The following GPC4 variants were observed in gnomAD, a reference collection of about 807,000 sequenced individuals.
GPC4 encodes glypican-4.
GPC4 carries 10 observed loss-of-function variants against 35.0 expected under a neutral mutation model. The ratio of observed to expected loss-of-function variants is 0.29; its 90% confidence interval spans 0.18 to 0.48. GPC4 has a LOEUF of 0.48. Among genes scored for constraint, GPC4 ranks in the 20% least tolerant of loss-of-function variants. GPC4 has a pLI of 0.99. For synonymous variants in GPC4, 167 were observed against 170.2 expected (o/e 0.98, Z 0.15); for missense variants, 322 against 451.3 (o/e 0.71, Z 2.60).
intron 1 of GPC4, among the ~76,000 whole-genome samples, chrX:133,370,241 A>G (rs1341863533): frequency 8.9e-6 from 1 of 111,749 alleles, no homozygotes; most frequent in Non-Finnish European, 1.9e-5. Flanking sequence ...TCTGTCCCCA[A>G]AATTTTCTGG....
Position 133,368,861 on chromosome X carries a change from G to C in GPC4, c.161-29520C>G, listed in dbSNP as rs2068600760. On this transcript the variant is annotated intron_variant, in intron 1 of 8. Coordinates refer to ENST00000370828, the MANE Select transcript of GPC4 (RefSeq NM_001448.3). ...AGGTTTCACCATGTTGGTCAGGCTG[G>C]TCTCAAACTCCTGACCTCAGGTGAT... Among the ~76,000 whole-genome samples, 3 of 110,683 alleles carry C rather than the reference G, an allele frequency of 2.7e-5. No homozygotes were observed. In the South Asian group the frequency reaches 1.2e-3, roughly 43 times the overall value.
intron 1 of GPC4, among the ~76,000 whole-genome samples, chrX:133,411,629 C>T (rs1210617621): frequency 9.0e-6 from 1 of 111,318 alleles, no homozygotes; most frequent in Non-Finnish European, 1.9e-5. Flanking sequence ...CGTGGCTTAT[C>T]TCCTTACTAA....
intron 1 of GPC4, among the ~76,000 whole-genome samples, chrX:133,412,227 T>C (rs1158068609): frequency 1.8e-5 from 2 of 111,766 alleles, no homozygotes; most frequent in East Asian, 5.7e-4. Context: ...TGACCAAAAT[T>C]ATCTGAGTGT....
intron 1 of GPC4, among the ~76,000 whole-genome samples, chrX:133,351,297 A>C (rs1475041341): frequency 9.0e-6 from 1 of 111,077 alleles, no homozygotes; most frequent in Non-Finnish European, 1.9e-5. Flanking sequence ...TATTTGACGA[A>C]ACAGTCCCAC....
At chrX:133,410,328 T>C (rs2068807363) in intron 1 of GPC4, among the ~76,000 whole-genome samples, 1 of 112,451 alleles carries the variant, frequency 8.9e-6, no homozygotes, top group Non-Finnish European at 1.9e-5. Flanking sequence ...TGTTATTCAT[T>C]AGCTATAAGA....
chrX:133,348,077 G>T (rs1403177091), intron 1 of GPC4, among the ~76,000 whole-genome samples: 1 of 112,038 alleles, frequency 8.9e-6, no homozygotes, highest in African/African-American at 3.2e-5. Context: ...AAGAGTTAGG[G>T]TTGCTACTTT....
intron 1 of GPC4, among the ~76,000 whole-genome samples, chrX:133,376,560 T>A (rs751883254): frequency 2.7e-5 from 3 of 112,483 alleles, no homozygotes; most frequent in Non-Finnish European, 3.8e-5. Flanking sequence ...TAACTTAATG[T>A]GTTGGTAGCT....
At chrX:133,314,297 G>C (rs2068327856) in intron 3 of GPC4, among the ~76,000 whole-genome samples, 1 of 111,825 alleles carries the variant, frequency 8.9e-6, no homozygotes, top group Admixed American at 9.5e-5. Context: ...AATAACTCTA[G>C]GAAGTGGTTC....
At chrX:133,403,407 G>T (rs2124182628) in intron 1 of GPC4, among the ~76,000 whole-genome samples, 1 of 110,958 alleles carries the variant, frequency 9.0e-6, no homozygotes, top group Admixed American at 9.7e-5. Flanking sequence ...AAGTGTTAAC[G>T]GTTTTCTCTG....
chrX:133,367,445 G>A (rs1362210628), intron 1 of GPC4, among the ~76,000 whole-genome samples: 1 of 112,544 alleles, frequency 8.9e-6, no homozygotes, highest in Non-Finnish European at 1.9e-5. Flanking sequence ...TTCTTCCTAA[G>A]CAAAACTATT....
At chrX:133,340,938 A>C (rs1013232222) in intron 1 of GPC4, among the ~76,000 whole-genome samples, 1 of 111,594 alleles carries the variant, frequency 9.0e-6, no homozygotes, top group Non-Finnish European at 1.9e-5. Context: ...GAAACTGCTA[A>C]AAGTTTATTT....
At chrX:133,400,690 T>C (rs2068764694) in intron 1 of GPC4, among the ~76,000 whole-genome samples, 1 of 111,938 alleles carries the variant, frequency 8.9e-6, no homozygotes, top group African/African-American at 3.2e-5. Flanking sequence ...CTATGCCCTC[T>C]GAAAGCTTTT....
In GPC4 at chrX:133,302,875, ACT is replaced by A. The variant is rs779503753; in HGVS notation, c.1661_1662del (p.Glu554ValfsTer8). 11 of 1,208,655 alleles carry A rather than the reference ACT, an allele frequency of 9.1e-6. No homozygotes were observed. The highest frequency in any genetic ancestry group is 1.2e-5 in the Non-Finnish European group (11 of 893,515). On this transcript the variant is annotated frameshift_variant, in exon 9 of 9. Coordinates refer to ENST00000370828, the MANE Select transcript of GPC4 (RefSeq NM_001448.3). LOFTEE classifies it high-confidence loss of function. ...FCILFLVMQR[E>X]WR ...TTCTCAGAGTTTGAGAATTATCTCC[ACT>A]CTCTCTGCATAACCAGGAACAAGAT...
chrX:133,347,595 T>C (rs762038419), intron 1 of GPC4, among the ~76,000 whole-genome samples: 2 of 111,217 alleles, frequency 1.8e-5, no homozygotes, highest in South Asian at 3.8e-4. Context: ...GGTTGCTATA[T>C]AACTCCAGCC....
intron 3 of GPC4, among the ~76,000 whole-genome samples, chrX:133,323,277 G>A (rs1419548746): frequency 9.0e-6 from 1 of 111,584 alleles, no homozygotes; most frequent in African/African-American, 3.3e-5. Context: ...CCAGGAGTTC[G>A]AGACCAGCCT....
At chrX:133,404,546 C>CAAAAAAAAAAAAAAAAAAAAAAAAAA (rs766777711) in intron 1 of GPC4, among the ~76,000 whole-genome samples, 1 of 37,374 alleles carries the variant, frequency 2.7e-5, no homozygotes, top group African/African-American at 1.7e-4. Context: ...GACTCTGCCT[C>CAAAAAAAAAAAAAAAAAAAAAAAAAA]AAAAAAAAAA....
At chrX:133,354,692 C>T (rs2068533532) in intron 1 of GPC4, among the ~76,000 whole-genome samples, 1 of 107,147 alleles carries the variant, frequency 9.3e-6, no homozygotes, top group Non-Finnish European at 1.9e-5. Flanking sequence ...CCTCAGCCTC[C>T]CGAGTAGCTG....
chrX:133,385,487 T>C (rs1029423909), intron 1 of GPC4, among the ~76,000 whole-genome samples: 2 of 112,322 alleles, frequency 1.8e-5, no homozygotes, highest in Non-Finnish European at 3.8e-5. Context: ...TGGCAATGCC[T>C]CACATACATA....
rs1423753569 is a variant in GPC4, at chrX:133,305,932, A to G, written c.1009-14T>C. On this transcript the variant is annotated splice_polypyrimidine_tract_variant and intron_variant, in intron 5 of 8. Coordinates refer to ENST00000370828, the MANE Select transcript of GPC4 (RefSeq NM_001448.3). ...TCCCTGGAAAACCTGCATTAGAGTA[A>G]GTGTCGTCATGTTAGGGAAGTCACT... The G allele has an allele frequency of 4.1e-6, 5 of 1,210,869 alleles. No homozygotes were observed. In the Admixed American group the frequency reaches 1.1e-4, roughly 26 times the overall value.
Sources: allele counts gnomAD v4.1 joint callset (sites outside exome capture counted in the v4.1 genomes callset), GRCh38; gene constraint gnomAD v4.1.1; transcripts MANE v1.5; gene names NCBI Gene and HGNC (gene_info 2026-07-23, HGNC 2026-07-21).